The following WDR64 variants were observed in gnomAD, a reference collection of about 807,000 sequenced individuals.
The protein encoded by WDR64 is WD repeat-containing protein 64.
WDR64 carries 112 observed loss-of-function variants against 139.3 expected under a neutral mutation model. That is an observed-to-expected ratio of 0.80 (90% CI 0.69 to 0.94). The LOEUF is 0.94. Among genes scored for constraint, WDR64 ranks in the 40% least tolerant of loss-of-function variants. The pLI, the probability that WDR64 is intolerant of heterozygous loss-of-function variation, is 0.00. For missense variants in WDR64, 1,206 were observed against 1,293.1 expected (o/e 0.93, Z 1.03); for synonymous variants, 444 against 437.7 (o/e 1.01, Z -0.18).
chr1:241,655,296 T>C (rs559843823), intron 1 of WDR64, among the ~76,000 whole-genome samples: 1 of 152,152 alleles, frequency 6.6e-6, no homozygotes, highest in South Asian at 2.1e-4. Context: ...GCCAGGAGAA[T>C]TGCTTGAACC....
At chr1:241,770,733 AT>A in intron 18 of WDR64, 43 bp downstream of exon 18, 1 of 1,533,988 alleles carries the variant, frequency 6.5e-7, no homozygotes. Context: ...GTCATACTCA[AT>A]GTTGGTTCAA....
chr1:241,755,415 G>A (rs1558509160), intron 14 of WDR64, among the ~76,000 whole-genome samples: 1 of 152,048 alleles, frequency 6.6e-6, no homozygotes, highest in African/African-American at 2.4e-5. Context: ...TAATGGGGTT[G>A]TTTTTTTCTT....
chr1:241,704,815 C>T (rs755954844), intron 8 of WDR64, among the ~76,000 whole-genome samples: 26 of 152,262 alleles, frequency 1.7e-4, no homozygotes, highest in Middle Eastern at 6.8e-3. Flanking sequence ...TAATGCCATT[C>T]TAAAGAGAGG....
Position 241,652,491 on chromosome 1 carries a change from A to G in WDR64, c.7A>G (p.Ile3Val). ...AAAGATCCCCTATGTCCCTATGGAT[A>G]TCAGGAAGGAAAAGCGTCTCAACAT... MD[I>V]RKEKRLNMAL... Residue 3 changes from isoleucine to valine, a missense_variant, in exon 1 of 28, where the codon ATC becomes GTC. By Grantham distance (29) the Ile-to-Val change is conservative. Coordinates refer to ENST00000437684, the MANE Select transcript of WDR64 (RefSeq NM_001367482.1). The G allele has an allele frequency of 6.4e-7, 1 of 1,552,236 alleles. No individual in the cohort carries two copies. The highest frequency in any genetic ancestry group is 8.7e-7 in the Non-Finnish European group (1 of 1,147,124).
At chr1:241,712,346 G>A (rs1316065972) in intron 9 of WDR64, among the ~76,000 whole-genome samples, 22 of 152,128 alleles carry the variant, frequency 1.4e-4, no homozygotes, top group Admixed American at 1.4e-3. Context: ...AGACCAGGAA[G>A]ACAATCTTGA....
At chr1:241,720,829 T>A (rs1289495176) in intron 9 of WDR64, among the ~76,000 whole-genome samples, 1 of 152,236 alleles carries the variant, frequency 6.6e-6, no homozygotes, top group African/African-American at 2.4e-5. Context: ...TTTGCTTTTG[T>A]TGCCATTGCC....
chr1:241,770,820 T>C, intron 18 of WDR64, 130 bp downstream of exon 18: 2 of 670,566 alleles, frequency 3.0e-6, no homozygotes, highest in East Asian at 6.8e-5. Context: ...GTGTGCATGC[T>C]TATATGTAAA....
At chr1:241,766,590 A>G (rs1473159792) in intron 16 of WDR64, among the ~76,000 whole-genome samples, 1 of 152,070 alleles carries the variant, frequency 6.6e-6, no homozygotes, top group Non-Finnish European at 1.5e-5. Flanking sequence ...AATCCTATCT[A>G]ATGGAGAGGG....
Position 241,740,899 on chromosome 1 carries a change from T to A in WDR64, c.1322-617T>A, listed in dbSNP as rs4129441. Among the ~76,000 whole-genome samples the A allele has an allele frequency of 1.3e-5, 2 of 152,228 alleles. 1 individual carries two copies. The highest frequency in any genetic ancestry group is 4.1e-4 in the South Asian group (2 of 4,828). On this transcript the variant is annotated intron_variant, in intron 11 of 27. Transcript: ENST00000437684. Reference sequence around the variant, plus strand: ...GAGCTGCAGTTAATTTTGATACTTATATCATACTTAGAAAAATGCAAGTAA... The same window carrying A: ...GAGCTGCAGTTAATTTTGATACTTAAATCATACTTAGAAAAATGCAAGTAA...
At chr1:241,794,797 GT>G (rs1475154386) in intron 25 of WDR64, among the ~76,000 whole-genome samples, 1 of 152,074 alleles carries the variant, frequency 6.6e-6, no homozygotes, top group African/African-American at 2.4e-5. Flanking sequence ...ATGAGCCACC[GT>G]GCCCGGCCGC....
intron 7 of WDR64, among the ~76,000 whole-genome samples, chr1:241,685,887 T>C (rs1025218706): frequency 5.9e-5 from 9 of 152,216 alleles, no homozygotes; most frequent in African/African-American, 2.2e-4. Flanking sequence ...TTAGAATAGA[T>C]GCTGAGACAT....
chr1:241,729,038 T>A (rs1038215319), intron 10 of WDR64, among the ~76,000 whole-genome samples: 4 of 152,180 alleles, frequency 2.6e-5, no homozygotes, highest in African/African-American at 9.7e-5. Context: ...CTGAATTTAT[T>A]TTCTACTTCA....
At chr1:241,792,333 G>C (rs1027933183) in intron 25 of WDR64, among the ~76,000 whole-genome samples, 1 of 152,078 alleles carries the variant, frequency 6.6e-6, no homozygotes, top group African/African-American at 2.4e-5. Flanking sequence ...TCAGGAGATC[G>C]AGACCATCCT....
intron 11 of WDR64, among the ~76,000 whole-genome samples, chr1:241,741,314 T>G (rs954259582): frequency 6.6e-6 from 1 of 152,262 alleles, no homozygotes; most frequent in Non-Finnish European, 1.5e-5. Context: ...TGCTTTTCTG[T>G]GGCTGAATCG....
intron 16 of WDR64, among the ~76,000 whole-genome samples, chr1:241,768,708 G>C (rs1279623636): frequency 1.3e-5 from 2 of 152,146 alleles, no homozygotes; most frequent in Non-Finnish European, 2.9e-5. Context: ...TTGCTATAAT[G>C]AATGTTAAAT....
chr1:241,741,269 G>C (rs921045088), intron 11 of WDR64, among the ~76,000 whole-genome samples: 1 of 152,200 alleles, frequency 6.6e-6, no homozygotes, highest in Non-Finnish European at 1.5e-5. Flanking sequence ...AGTCCAAATG[G>C]CCTGCACTTG....
chr1:241,694,729 C>T (rs573946115), intron 8 of WDR64, among the ~76,000 whole-genome samples: 3 of 152,252 alleles, frequency 2.0e-5, no homozygotes, highest in Admixed American at 6.5e-5. Context: ...TTCCAAGATA[C>T]ACAAATCTAT....
chr1:241,715,789 T>C (rs1448870798), intron 9 of WDR64, among the ~76,000 whole-genome samples: 1 of 152,132 alleles, frequency 6.6e-6, no homozygotes, highest in Non-Finnish European at 1.5e-5. Flanking sequence ...TTTATAGGCT[T>C]TGTAATCTTA....
At chr1:241,713,540 AGGGAGGG>A (rs1668279603) in intron 9 of WDR64, among the ~76,000 whole-genome samples, 1 of 104,296 alleles carries the variant, frequency 9.6e-6, no homozygotes, top group Non-Finnish European at 1.9e-5. Flanking sequence ...CAAGGAAGGG[AGGGAGGG>A]AGGGAGGGAG....
Sources: gnomAD v4.1 joint callset for allele counts (sites outside exome capture counted in the v4.1 genomes callset) on GRCh38, gnomAD v4.1.1 for gene constraint, MANE v1.5 for transcripts, NCBI Gene and HGNC (gene_info 2026-07-23, HGNC 2026-07-21) for gene names.